NBPF19: variants seen among roughly 807,000 people sequenced by gnomAD.
NBPF19 encodes NBPF member 19.
A neutral mutation model predicts 45.9 loss-of-function variants in NBPF19; 30 were observed. The observed-to-expected ratio is 0.65, with a 90% CI of 0.49 to 0.89. The LOEUF (loss-of-function observed/expected upper bound fraction) is 0.89. NBPF19 is among the 40% of genes least tolerant of loss of function. NBPF19 has a pLI of 0.00. For synonymous variants in NBPF19, 183 were observed against 181.2 expected (o/e 1.01, Z -0.08); for missense variants, 495 against 471.8 (o/e 1.05, Z -0.46).
rs4028601 is a variant in NBPF19 at position 149,486,223 on chromosome 1, G to A, written c.918G>A (p.Ser306=). ...CAATTCCTCCTGAAATGTTGGCCTC[G>A]TACCAGTCTTACAGCAGCACATTTC... ...TLSIPPEMLA[S]YQSYSSTFHS... The change falls in exon 8 of 94, where the codon TCG becomes TCA. Residue 306 remains serine (S), a synonymous_variant. Coordinates refer to ENST00000651566, the MANE Select transcript of NBPF19 (RefSeq NM_001351365.2). 1.7e-4 allele frequency: 91 copies of A among 534,612 alleles called. 1 individual carries two copies. The highest frequency in any genetic ancestry group is 3.0e-4 in the South Asian group (15 of 50,610). 33.1% of individuals were successfully genotyped at this position (534,612 alleles called of 1,614,324 possible).
chr1:149,519,451 G>A (rs1286759490), intron 49 of NBPF19, among the ~76,000 whole-genome samples: 413 of 33,200 alleles, frequency 0.012, 8 homozygotes, highest in Middle Eastern at 0.026. Flanking sequence ...CTCTCTGTGT[G>A]TGTGTGTGTG....
chr1:149,494,199 T>A (rs2085995305), intron 17 of NBPF19, 119 bp from the exon 18 acceptor site: 1 of 455,574 alleles, frequency 2.2e-6, no homozygotes, highest in Non-Finnish European at 3.7e-6. Context: ...CATTACCTCA[T>A]TAATGGATCT....
intron 7 of NBPF19, among the ~76,000 whole-genome samples, chr1:149,483,664 G>T (rs2085342442): frequency 7.0e-6 from 1 of 143,456 alleles, no homozygotes; most frequent in Non-Finnish European, 1.5e-5. Context: ...TGCAGTGGCT[G>T]GTACCGGTTG....
chr1:149,487,601 C>A (rs1198302857), intron 9 of NBPF19, among the ~76,000 whole-genome samples: 2 of 150,540 alleles, frequency 1.3e-5, no homozygotes, highest in East Asian at 3.9e-4. Flanking sequence ...TTGACCATAC[C>A]TCAAAAGCTG....
intron 4 of NBPF19, among the ~76,000 whole-genome samples, chr1:149,479,747 G>C: frequency 6.7e-6 from 1 of 150,342 alleles, no homozygotes; most frequent in East Asian, 2.0e-4. Flanking sequence ...ATAGAGGACT[G>C]TGGGACAAGT....
intron 3 of NBPF19, among the ~76,000 whole-genome samples, chr1:149,478,500 C>T (rs2084983334): frequency 6.6e-6 from 1 of 151,238 alleles, no homozygotes. Flanking sequence ...TGCACCTGGC[C>T]TCATTTCTGT....
chr1:149,477,752 C>T (rs1234879450), intron 2 of NBPF19, among the ~76,000 whole-genome samples, 193 bp from the exon 3 acceptor site: 10 of 151,262 alleles, frequency 6.6e-5, no homozygotes, highest in East Asian at 5.8e-4. Flanking sequence ...TCTCTTTCTT[C>T]GTCTTTAAAT....
chr1:149,494,448 T>C lies in NBPF19; in HGVS notation c.2128T>C (p.Ser710Pro). The C allele has an allele frequency of 3.9e-6, 1 of 253,756 alleles. No individual in the cohort carries two copies. The highest frequency in any genetic ancestry group is 6.8e-6 in the Non-Finnish European group (1 of 147,470). 15.7% of individuals were successfully genotyped at this position (253,756 alleles called of 1,614,324 possible). ...LGQPYSSAVY[S>P]LEEQYLGLAL... is the part of the protein sequence containing the mutation. ...CCAGCCCTACAGCAGTGCTGTTTACTCATTGGAGGAACAGTACCTTGGCTT... is the reference window on the plus strand; with the variant it reads ...CCAGCCCTACAGCAGTGCTGTTTACCCATTGGAGGAACAGTACCTTGGCTT... The change falls in exon 18 of 94, where the codon TCA (serine) becomes CCA (proline). Residue 710 changes from serine to proline, a missense_variant. This residue lies in a region of NBPF19 where 11 missense variants were observed against 40.4 expected (regional missense o/e 0.27). Transcript: ENST00000651566.
intron 37 of NBPF19, among the ~76,000 whole-genome samples, chr1:149,509,974 G>GTC (rs1159383099): frequency 2.0e-3 from 112 of 54,818 alleles, no homozygotes; most frequent in African/African-American, 3.5e-3. Flanking sequence ...GTGTGTGTGT[G>GTC]TGTGTGTCCA....
chr1:149,478,042 G>T lies in NBPF19; in HGVS notation c.273G>T (p.Glu91Asp), dbSNP rs1259835838. 7.8e-4 allele frequency: 1,226 copies of T among 1,564,288 alleles called. 40 individuals carry two copies. In the East Asian group the frequency reaches 0.026, roughly 33 times the overall value. ...KLAEQLKQAEELRQYKVLFHS... is the reference protein window; with the variant it reads ...KLAEQLKQAEDLRQYKVLFHS... ...CAGAGCAGCTGAAGCAAGCTGAGGA[G>T]CTCAGGTGAGGGGACCCCGTGGGGG... Residue 91 changes from glutamate (E) to aspartate (D), a missense_variant, in exon 3 of 94, where the codon GAG (glutamate) becomes GAT (aspartate). Physicochemically the swap from Glu to Asp is conservative, Grantham distance 45. Around this residue, in one of 8 missense-constraint regions of NBPF19, gnomAD observed 69 missense variants for 87.8 expected, o/e 0.79. Coordinates refer to ENST00000651566, the MANE Select transcript of NBPF19 (RefSeq NM_001351365.2).
Position 149,487,311 on chromosome 1 carries a change from C to A in NBPF19, c.989-21C>A. ...CAAGGAAGAACTTAATGTAAGAGGG[C>A]CCATCTGAATTTATTTGCAGGACAT... is the stretch of plus-strand genomic sequence containing the variant. On this transcript the variant is annotated intron_variant, in intron 8 of 93. Coordinates refer to ENST00000651566, the MANE Select transcript of NBPF19 (RefSeq NM_001351365.2). 3.9e-6 allele frequency: 6 copies of A among 1,550,498 alleles called. 1 individual carries two copies. Among genetic ancestry groups the A allele is most frequent in the Middle Eastern group, 3.6e-4 (2 of 5,500 alleles).
rs2084942796 is a variant in NBPF19 at position 149,477,928 on chromosome 1, T to A, written c.176-17T>A. The A allele has an allele frequency of 4.9e-6, 6 of 1,229,470 alleles. No homozygotes were observed. The highest frequency in any genetic ancestry group is 2.7e-4 in the Middle Eastern group (1 of 3,748). The allele number at this position is 1,229,470 out of a possible 1,614,324, so 76.2% of individuals were successfully genotyped here. A position where few individuals can be genotyped will look rare whatever the true frequency, so the allele number is the denominator to read the frequency against. On this transcript the variant is annotated splice_polypyrimidine_tract_variant and intron_variant, in intron 2 of 93. Transcript: ENST00000651566. ...GTCCAGCCTTCCACTGAGGCAGGCG[T>A]GTCTGTCTTTTCTCAGAGTATGAAG...
In NBPF19 at chr1:149,554,782, C is replaced by T; in HGVS notation, c.*44C>T. ...AGAGATGTCATTCCTGCAGGCAGGACCTATAGGCACGTGAAGATTTGAATG... is the reference window on the plus strand; with the variant it reads ...AGAGATGTCATTCCTGCAGGCAGGATCTATAGGCACGTGAAGATTTGAATG... On this transcript the variant is annotated 3_prime_UTR_variant, in exon 94 of 94. Transcript: ENST00000651566. 1 of 1,606,466 alleles carries T rather than the reference C, an allele frequency of 6.2e-7. No homozygotes were observed. Among genetic ancestry groups the T allele is most frequent in the Non-Finnish European group, 8.5e-7 (1 of 1,175,310 alleles).
intron 51 of NBPF19, among the ~76,000 whole-genome samples, 155 bp from the exon 52 acceptor site, chr1:149,521,164 C>A (rs1280046365): frequency 1.3e-5 from 1 of 74,548 alleles, no homozygotes; most frequent in African/African-American, 5.4e-5. Flanking sequence ...TGGCCCTGTT[C>A]TATCCCAACA....
At chr1:149,514,706 T>C (rs2086336974) in intron 43 of NBPF19, among the ~76,000 whole-genome samples, 1 of 75,618 alleles carries the variant, frequency 1.3e-5, no homozygotes, top group African/African-American at 4.6e-5. Flanking sequence ...TGTGTGTGTG[T>C]GTGTGTGTGT....
intron 93 of NBPF19, 120 bp from the exon 94 acceptor site, chr1:149,554,375 A>G (rs1242783345): frequency 5.7e-6 from 9 of 1,580,534 alleles, no homozygotes; most frequent in South Asian, 1.2e-5. Flanking sequence ...TTTTTACCTC[A>G]TTAATGGATC....
chr1:149,494,437 G>A lies in NBPF19; in HGVS notation c.2117G>A (p.Ser706Asn). 1 of 267,396 alleles carries A rather than the reference G, an allele frequency of 3.7e-6. No homozygotes were observed. The highest frequency in any genetic ancestry group is 7.7e-5 in the Admixed American group (1 of 12,944). The allele number at this position is 267,396 out of a possible 1,614,324, so 16.6% of individuals were successfully genotyped here. A position where few individuals can be genotyped will look rare whatever the true frequency, so the allele number is the denominator to read the frequency against. The change falls in exon 18 of 94, where the codon AGT (serine) becomes AAT (asparagine). Residue 706 changes from serine to asparagine, a missense_variant. Around this residue, in one of 8 missense-constraint regions of NBPF19, gnomAD observed 11 missense variants for 40.4 expected, o/e 0.27. Coordinates refer to ENST00000651566, the MANE Select transcript of NBPF19 (RefSeq NM_001351365.2). ...CCTGACTTAGGCCAGCCCTACAGCA[G>A]TGCTGTTTACTCATTGGAGGAACAG... ...ELPDLGQPYS[S>N]AVYSLEEQYL...
At chr1:149,476,935 A>C (rs2084870815) in intron 2 of NBPF19, among the ~76,000 whole-genome samples, 1 of 150,666 alleles carries the variant, frequency 6.6e-6, no homozygotes, top group Admixed American at 6.6e-5. Flanking sequence ...ACTCGTCAAA[A>C]AACAAACAAA....
intron 8 of NBPF19, among the ~76,000 whole-genome samples, chr1:149,486,811 G>C (rs1225699910): frequency 6.6e-6 from 1 of 150,494 alleles, no homozygotes; most frequent in Non-Finnish European, 1.5e-5. Flanking sequence ...TAGCTCATCT[G>C]TCCGTCATGT....
Sources: allele counts gnomAD v4.1 joint callset (sites outside exome capture counted in the v4.1 genomes callset), GRCh38; gene constraint gnomAD v4.1.1; regional missense constraint gnomAD v4.1.1; transcripts MANE v1.5; gene names NCBI Gene and HGNC (gene_info 2026-07-23, HGNC 2026-07-21).